Variants in MIOS observed in about 807,000 individuals in gnomAD.
MIOS encodes the protein GATOR2 complex protein MIOS.
A neutral mutation model predicts 96.9 loss-of-function variants in MIOS; 52 were observed. The observed-to-expected ratio is 0.54, with a 90% CI of 0.43 to 0.68. MIOS has a LOEUF of 0.68. Among genes scored for constraint, MIOS ranks in the 30% least tolerant of loss-of-function variants. The pLI, the probability that MIOS is intolerant of heterozygous loss-of-function variation, is 0.00. For missense variants in MIOS, 1,005 were observed against 1,052.8 expected (o/e 0.95, Z 0.63); for synonymous variants, 397 against 359.5 (o/e 1.10, Z -1.18).
chr7:7,596,306 C>G lies in MIOS; in HGVS notation c.2246C>G (p.Ser749Ter), dbSNP rs1166293842. 2 of 1,614,028 alleles carry G rather than the reference C, an allele frequency of 1.2e-6. No individual in the cohort carries two copies. Among genetic ancestry groups the G allele is most frequent in the Admixed American group, 1.7e-5 (1 of 60,018 alleles). Residue 749 changes from serine to a stop codon, truncating the protein, a stop_gained, in exon 11 of 13, where the codon TCA becomes TGA. Coordinates refer to ENST00000340080, the MANE Select transcript of MIOS (RefSeq NM_019005.4). LOFTEE classifies it high-confidence loss of function. ...GGCAAGTCAATCTCCTACAGCTGTT[C>G]AGCTGTGCCTCATCAGGGCAGAGGT... is the stretch of plus-strand genomic sequence containing the variant. ...FCGKSISYSC[S>*]AVPHQGRGFS... is the part of the protein sequence containing the mutation.
At chr7:7,584,200 A>G (rs1783815084) in intron 6 of MIOS, among the ~76,000 whole-genome samples, 1 of 152,090 alleles carries the variant, frequency 6.6e-6, no homozygotes, top group Admixed American at 6.5e-5. Flanking sequence ...AAAAGTTAAA[A>G]AAGTCAATGT....
rs934545276 is a variant in MIOS at position 7,572,082 on chromosome 7, C to G, written c.-40-354C>G. Among the ~76,000 whole-genome samples the G allele has an allele frequency of 1.9e-4, 29 of 152,274 alleles. 1 individual carries two copies. The highest frequency in any genetic ancestry group is 5.8e-4 in the African/African-American group (24 of 41,564). On this transcript the variant is annotated intron_variant, in intron 3 of 12. Transcript: ENST00000340080. This position sits in a 1 kb window ranked among gnomAD's most constrained non-coding sequence, Gnocchi z 4.8. The stretch of plus-strand genomic sequence containing the variant: ...AGGAATATGATTCATAAGTTTTCCC[C>G]CCTTCAAAGGGATAATACTTATTAA...
chr7:7,568,379 G>A (rs1324214844), intron 3 of MIOS, among the ~76,000 whole-genome samples: 1 of 152,162 alleles, frequency 6.6e-6, no homozygotes, highest in Non-Finnish European at 1.5e-5. Flanking sequence ...CTGAGCTGGG[G>A]AGTGGCTGTA....
At chr7:7,588,736 T>C (rs1455466920) in intron 8 of MIOS, among the ~76,000 whole-genome samples, 173 bp downstream of exon 8, 2 of 152,168 alleles carry the variant, frequency 1.3e-5, no homozygotes, top group Non-Finnish European at 2.9e-5. Flanking sequence ...CATAACTAAA[T>C]TTATTTGTTT....
rs1384415475 is a variant in MIOS at position 7,573,316 on chromosome 7, G to A, written c.841G>A (p.Gly281Ser). Reference sequence around the variant, plus strand: ...AGTAGCATGGTGTCCCACTAGGACTGGTCTACTTGCCACTTTAACAAGGGA... The same window carrying A: ...AGTAGCATGGTGTCCCACTAGGACTAGTCTACTTGCCACTTTAACAAGGGA... The part of the protein sequence containing the change: ...TKVAWCPTRT[G>S]LLATLTRDSN... The change falls in exon 4 of 13, where the codon GGT (glycine) becomes AGT (serine). Residue 281 changes from glycine to serine, a missense_variant. Coordinates refer to ENST00000340080, the MANE Select transcript of MIOS (RefSeq NM_019005.4). This position sits in a 1 kb window ranked among gnomAD's most constrained non-coding sequence, Gnocchi z 5.0. 6 of 1,613,912 alleles carry A rather than the reference G, an allele frequency of 3.7e-6. No individual in the cohort carries two copies. Among genetic ancestry groups the A allele is most frequent in the East Asian group, 2.2e-5 (1 of 44,886 alleles).
chr7:7,587,444 T>C (rs1249027385), intron 7 of MIOS, among the ~76,000 whole-genome samples: 5 of 152,226 alleles, frequency 3.3e-5, no homozygotes, highest in Non-Finnish European at 7.3e-5. Context: ...TAAATAATTA[T>C]AATTAATGTT....
chr7:7,608,273 G>T lies in MIOS; in HGVS notation c.*1181G>T, dbSNP rs1161158502. 1.3e-5 allele frequency: 2 copies of T among 152,024 alleles called. No homozygotes were observed. The highest frequency in any genetic ancestry group is 4.8e-5 in the African/African-American group (2 of 41,426). The allele number at this position is 152,024 out of a possible 1,614,324, so 9.4% of individuals were successfully genotyped here. The stretch of plus-strand genomic sequence containing the variant: ...GCAGAGGGACTGAACTAGGAATTTT[G>T]TAGTTGAAGCTGTGTTCATAAAGAG... On this transcript the variant is annotated 3_prime_UTR_variant, in exon 13 of 13. Transcript: ENST00000340080.
intron 5 of MIOS, among the ~76,000 whole-genome samples, chr7:7,576,939 A>G: frequency 6.6e-6 from 1 of 152,314 alleles, no homozygotes; most frequent in East Asian, 1.9e-4. Flanking sequence ...GTTAATTTTA[A>G]GTATGTTAAT....
intron 9 of MIOS, among the ~76,000 whole-genome samples, chr7:7,592,970 C>T (rs1371315077): frequency 6.6e-6 from 1 of 152,186 alleles, no homozygotes; most frequent in African/African-American, 2.4e-5. Flanking sequence ...TTCCCAAGCC[C>T]TTCTGATTTG....
intron 9 of MIOS, among the ~76,000 whole-genome samples, chr7:7,593,889 A>AAG (rs1217444081): frequency 2.9e-5 from 3 of 104,302 alleles, no homozygotes; most frequent in African/African-American, 1.1e-4. Flanking sequence ...CAAAAAAAAA[A>AAG]AAAAAAGAAA....
At chr7:7,585,117 C>T (rs1156255998) in intron 6 of MIOS, among the ~76,000 whole-genome samples, 1 of 152,024 alleles carries the variant, frequency 6.6e-6, no homozygotes, top group Non-Finnish European at 1.5e-5. Flanking sequence ...TCTTGAGATG[C>T]AATATTTACT....
Position 7,607,800 on chromosome 7 carries a change from G to C in MIOS, c.*708G>C, listed in dbSNP as rs1199024759. 6.6e-6 allele frequency: 1 copy of C among 152,058 alleles called. No individual in the cohort carries two copies. The highest frequency in any genetic ancestry group is 1.5e-5 in the Non-Finnish European group (1 of 68,004). The allele number at this position is 152,058 out of a possible 1,614,324, so 9.4% of individuals were successfully genotyped here. ...ATCTTACAACTTTTTCTCTTCAGTAGAGAAAAACATGTACCATTTCAGGTG... is the reference window on the plus strand; with the variant it reads ...ATCTTACAACTTTTTCTCTTCAGTACAGAAAAACATGTACCATTTCAGGTG... On this transcript the variant is annotated 3_prime_UTR_variant, in exon 13 of 13. Coordinates refer to ENST00000340080, the MANE Select transcript of MIOS (RefSeq NM_019005.4).
chr7:7,601,284 T>G (rs1258012185), intron 11 of MIOS, among the ~76,000 whole-genome samples: 2 of 143,134 alleles, frequency 1.4e-5, no homozygotes, highest in East Asian at 3.9e-4. Flanking sequence ...CAGGAGCTGG[T>G]TTTTTTTTTG....
chr7:7,592,034 G>A (rs1013797880), intron 9 of MIOS, among the ~76,000 whole-genome samples: 2 of 151,112 alleles, frequency 1.3e-5, no homozygotes, highest in Admixed American at 6.6e-5. Flanking sequence ...AGGCTGGAGT[G>A]CAGTGGCACA....
chr7:7,583,527 T>C (rs1783795850), intron 6 of MIOS, among the ~76,000 whole-genome samples, 155 bp downstream of exon 6: 1 of 152,192 alleles, frequency 6.6e-6, no homozygotes, highest in South Asian at 2.1e-4. Context: ...AGTATATCTA[T>C]AACAGTAAAT....
chr7:7,575,311 T>C (rs1783493167), intron 5 of MIOS, among the ~76,000 whole-genome samples: 1 of 152,156 alleles, frequency 6.6e-6, no homozygotes, highest in African/African-American at 2.4e-5. Flanking sequence ...TGTTACATTA[T>C]AGTGTTTTTT....
At chr7:7,586,583 A>G (rs937188392) in intron 7 of MIOS, among the ~76,000 whole-genome samples, 8 of 152,224 alleles carry the variant, frequency 5.3e-5, no homozygotes, top group Non-Finnish European at 1.0e-4. Context: ...CTTATCAATT[A>G]TACATTTCTT....
In MIOS at chr7:7,607,271, A is replaced by C; in HGVS notation, c.*179A>C. ...GATTTTGATATGCTTCACAGAGACAAATGCTGCCAAAATAAACATCGAAGT... is the reference window on the plus strand; with the variant it reads ...GATTTTGATATGCTTCACAGAGACACATGCTGCCAAAATAAACATCGAAGT... On this transcript the variant is annotated 3_prime_UTR_variant, in exon 13 of 13. Transcript: ENST00000340080. 1 of 503,968 alleles carries C rather than the reference A, an allele frequency of 2.0e-6. No individual in the cohort carries two copies. Among genetic ancestry groups the C allele is most frequent in the Non-Finnish European group, 3.5e-6 (1 of 288,686 alleles). The allele number at this position is 503,968 out of a possible 1,614,324, so 31.2% of individuals were successfully genotyped here.
intron 11 of MIOS, among the ~76,000 whole-genome samples, chr7:7,597,743 G>A (rs568704080): frequency 6.6e-6 from 1 of 151,542 alleles, no homozygotes. Flanking sequence ...CTGTCACCCA[G>A]GATAGAATGC....
Sources: allele counts gnomAD v4.1 joint callset (sites outside exome capture counted in the v4.1 genomes callset), GRCh38; gene constraint gnomAD v4.1.1; non-coding constraint Gnocchi (gnomAD v3.1); transcripts MANE v1.5; gene names NCBI Gene and HGNC (gene_info 2026-07-23, HGNC 2026-07-21).